CHL1: variants seen among roughly 807,000 people sequenced by gnomAD.
The protein encoded by CHL1 is cell adhesion molecule L1 like.
In CHL1, 96 loss-of-function variants were observed where a neutral mutation model predicts 141.9. The observed-to-expected ratio is 0.68, with a 90% confidence interval of 0.57 to 0.80. The LOEUF is 0.80. CHL1 is among the 30% of genes least tolerant of loss of function. The pLI is 0.00. For synonymous variants in CHL1, 613 were observed against 502.2 expected (o/e 1.22, Z -2.95); for missense variants, 1,820 against 1,457.2 (o/e 1.25, Z -4.05).
At chr3:314,368 T>TATATATATA (rs1368911821) in intron 2 of CHL1, among the ~76,000 whole-genome samples, 32 of 134,040 alleles carry the variant, frequency 2.4e-4, no homozygotes, top group African/African-American at 8.9e-4. Context: ...TATATATATA[T>TATATATATA]ATCTGCTTCA....
chr3:338,104 T>C (rs1241373857), intron 5 of CHL1, among the ~76,000 whole-genome samples: 1 of 152,148 alleles, frequency 6.6e-6, no homozygotes, highest in Non-Finnish European at 1.5e-5. Context: ...GACCTTGTGA[T>C]CCGCCCACCT....
At position 399,724 on chromosome 3, in the gene CHL1, G is replaced by A. The variant is rs151146687; in HGVS notation, c.3385+576G>A. ...TATTGTCTATCTGTAAAATATCAGC[G>A]TCGTTGAGAGACATATCACTAGGTC... On this transcript the variant is annotated intron_variant, in intron 26 of 27. Coordinates refer to ENST00000256509, the MANE Select transcript of CHL1 (RefSeq NM_006614.4). 9.3e-3 allele frequency among the ~76,000 whole-genome samples: 1,411 copies of A among 152,272 alleles called. 30 individuals are homozygous for A. The highest frequency in any genetic ancestry group is 0.032 in the African/African-American group (1,330 of 41,560).
chr3:310,661 A>G (rs575775726), intron 2 of CHL1, among the ~76,000 whole-genome samples: 5 of 152,200 alleles, frequency 3.3e-5, no homozygotes, highest in Non-Finnish European at 1.5e-5. Flanking sequence ...CCGGTTCTGC[A>G]TATGCACAGC....
intron 15 of CHL1, among the ~76,000 whole-genome samples, chr3:374,788 G>A (rs751368351): frequency 1.3e-5 from 2 of 152,138 alleles, no homozygotes; most frequent in Non-Finnish European, 2.9e-5. Flanking sequence ...GAAGTCACAG[G>A]TATCTGCTAA....
chr3:290,592 T>A (rs1574973188), intron 2 of CHL1, among the ~76,000 whole-genome samples: 1 of 152,184 alleles, frequency 6.6e-6, no homozygotes, highest in South Asian at 2.1e-4. Context: ...TAATTTAGGA[T>A]GAAACTATGT....
chr3:359,990 A>G (rs547158088), intron 11 of CHL1, among the ~76,000 whole-genome samples: 1 of 152,276 alleles, frequency 6.6e-6, no homozygotes, highest in East Asian at 1.9e-4. Flanking sequence ...TTGAATGCCT[A>G]AAGGATAATC....
intron 2 of CHL1, among the ~76,000 whole-genome samples, chr3:309,817 A>G (rs1699606322): frequency 6.6e-6 from 1 of 152,136 alleles, no homozygotes; most frequent in Admixed American, 6.5e-5. Context: ...ACTTGATCCT[A>G]TGTTTTTCTA....
At position 360,440 on chromosome 3, in the gene CHL1, A is replaced by T; in HGVS notation, c.1306+16A>T. On this transcript the variant is annotated intron_variant, in intron 12 of 27. Transcript: ENST00000256509. ...GATGTTGTGGGTGAGTGTGCCTGGG[A>T]GCTGACTTAACATGCTATTTTCCTA... The T allele has an allele frequency of 6.2e-7, 1 of 1,612,366 alleles. No homozygotes were observed. The highest frequency in any genetic ancestry group is 8.5e-7 in the Non-Finnish European group (1 of 1,179,138).
chr3:365,840 A>T, intron 14 of CHL1, 110 bp from the exon 15 acceptor site: 1 of 717,072 alleles, frequency 1.4e-6, no homozygotes, highest in Non-Finnish European at 2.3e-6. Flanking sequence ...CAAACCCTGC[A>T]TGAGGATTGG....
chr3:286,607 T>A (rs1697175470), intron 2 of CHL1, among the ~76,000 whole-genome samples: 1 of 92,666 alleles, frequency 1.1e-5, no homozygotes, highest in African/African-American at 6.7e-5. Context: ...TGAGACTTTG[T>A]CTCAAAAAAA....
intron 2 of CHL1, chr3:248,698 A>T (rs1316367505): frequency 6.6e-6 from 1 of 152,200 alleles, no homozygotes; most frequent in Non-Finnish European, 1.5e-5. Context: ...TTTCTTTCCA[A>T]ATTCAGAAGG....
In CHL1 at chr3:366,075, G is replaced by T; in HGVS notation, c.1711G>T (p.Asp571Tyr). 2 of 1,613,924 alleles carry T rather than the reference G, an allele frequency of 1.2e-6. No homozygotes were observed. Among genetic ancestry groups the T allele is most frequent in the East Asian group, 2.2e-5 (1 of 44,852 alleles). Residue 571 changes from aspartate (D) to tyrosine (Y), a missense_variant, in exon 15 of 28, where the codon GAT becomes TAT. Physicochemically the swap from Asp to Tyr is radical, Grantham distance 160. Transcript: ENST00000256509. ...KHSLKLSWSKDGEAFEINGTE... is the reference protein window; with the variant it reads ...KHSLKLSWSKYGEAFEINGTE... ...CAGTTTGAAGTTGTCCTGGAGTAAA[G>T]ATGGAGAAGCCTTTGAAATTAATGG...
intron 2 of CHL1, among the ~76,000 whole-genome samples, chr3:260,860 A>AT (rs1332878241): frequency 2.0e-5 from 3 of 152,178 alleles, no homozygotes; most frequent in African/African-American, 7.2e-5. Context: ...AAATGAGATT[A>AT]TTTTTTCTCA....
intron 2 of CHL1, among the ~76,000 whole-genome samples, chr3:270,013 C>T (rs1394609271): frequency 6.6e-6 from 1 of 152,064 alleles, no homozygotes; most frequent in Admixed American, 6.6e-5. Flanking sequence ...AGGGGCCAGG[C>T]TAGAAGAGAT....
intron 5 of CHL1, among the ~76,000 whole-genome samples, chr3:333,068 G>A (rs1261246456): frequency 6.7e-6 from 1 of 148,336 alleles, no homozygotes. Flanking sequence ...TGATATGAGA[G>A]TATTGTATTA....
chr3:294,674 T>G (rs1035988205), intron 2 of CHL1, among the ~76,000 whole-genome samples: 29 of 141,056 alleles, frequency 2.1e-4, no homozygotes, highest in African/African-American at 7.5e-4. Flanking sequence ...ATTATATTAG[T>G]AACAGTACAG....
intron 1 of CHL1, among the ~76,000 whole-genome samples, chr3:239,001 C>G (rs1302407321): frequency 6.6e-6 from 1 of 151,724 alleles, no homozygotes; most frequent in Admixed American, 6.6e-5. Context: ...CATGTAGCTG[C>G]TCACACATGT....
chr3:294,364 G>A (rs1048693200), intron 2 of CHL1, among the ~76,000 whole-genome samples: 2 of 152,244 alleles, frequency 1.3e-5, no homozygotes, highest in African/African-American at 2.4e-5. Context: ...CTAGAATCAA[G>A]GGGGTTGTTT....
chr3:336,855 G>A (rs181670605), intron 5 of CHL1, among the ~76,000 whole-genome samples: 13 of 152,278 alleles, frequency 8.5e-5, no homozygotes, highest in African/African-American at 3.1e-4. Flanking sequence ...CTGCAGGTTG[G>A]TTGTGCCTTG....
Sources: gnomAD v4.1 joint callset for allele counts (sites outside exome capture counted in the v4.1 genomes callset) on GRCh38, gnomAD v4.1.1 for gene constraint, MANE v1.5 for transcripts, NCBI Gene and HGNC (gene_info 2026-07-23, HGNC 2026-07-21) for gene names.